The following IL1R1 variants were observed in gnomAD, a reference collection of about 807,000 sequenced individuals.
IL1R1 encodes the protein interleukin 1 receptor type 1, also known as interleukin-1 receptor type 1.
Under a neutral mutation model 50.2 loss-of-function variants are expected in IL1R1, and 22 were observed. That is an observed-to-expected ratio of 0.44 (90% CI 0.31 to 0.63). The LOEUF is 0.63. Among genes scored for constraint, IL1R1 ranks in the 20% least tolerant of loss-of-function variants. The pLI, the probability that IL1R1 is intolerant of heterozygous loss-of-function variation, is 0.07. For synonymous variants in IL1R1, 251 were observed against 236.7 expected, an observed-to-expected ratio of 1.06 and a Z score of -0.55; for missense variants, 509 against 676.2, an observed-to-expected ratio of 0.75 and a Z score of 2.74.
chr2:102,166,517 A>G (rs1325276320), intron 6 of IL1R1, among the ~76,000 whole-genome samples: 3 of 152,098 alleles, frequency 2.0e-5, no homozygotes, highest in East Asian at 1.9e-4. Flanking sequence ...GTGTTTTCCA[A>G]CTGATTTAAG....
intron 5 of IL1R1, 105 bp from the exon 6 acceptor site, chr2:102,166,006 TAA>T: frequency 1.1e-6 from 1 of 943,520 alleles, no homozygotes; most frequent in Non-Finnish European, 1.6e-6. Flanking sequence ...AGTCACTTTC[TAA>T]AAATATAACA....
intron 2 of IL1R1, among the ~76,000 whole-genome samples, chr2:102,155,569 C>T (rs114437295): frequency 2.4e-4 from 37 of 152,248 alleles, no homozygotes; most frequent in African/African-American, 8.7e-4. Flanking sequence ...GGTCATGTGA[C>T]CCTTAACGCC....
intron 1 of IL1R1, among the ~76,000 whole-genome samples, chr2:102,145,798 A>C (rs1683067611): frequency 6.6e-6 from 1 of 152,208 alleles, no homozygotes; most frequent in Non-Finnish European, 1.5e-5. Flanking sequence ...CCAGGACTGG[A>C]TGCAGAGCAA....
chr2:102,094,050 A>G (rs753595773), intron 1 of IL1R1, among the ~76,000 whole-genome samples: 14 of 152,206 alleles, frequency 9.2e-5, no homozygotes, highest in Non-Finnish European at 1.8e-4. Context: ...CCACACATAT[A>G]AAACTTTAAT....
chr2:102,133,876 A>G (rs892524506), intron 1 of IL1R1, among the ~76,000 whole-genome samples: 8 of 150,208 alleles, frequency 5.3e-5, no homozygotes, highest in African/African-American at 1.5e-4. Flanking sequence ...TCTATTTAAC[A>G]GTGTATTAAG....
chr2:102,176,227 T>G lies in IL1R1; in HGVS notation c.1304-126T>G. ...TAAAAACATGGGAAACTCCTTTAAT[T>G]TTAAGTAAGACAAGAAAAAGGCATT... On this transcript the variant is annotated intron_variant, in intron 11 of 11. Transcript: ENST00000410023. 5.5e-6 allele frequency: 4 copies of G among 733,142 alleles called. No homozygotes were observed. The South Asian group carries it at 8.0e-5, about 15-fold the overall frequency. The allele number at this position is 733,142 out of a possible 1,614,324, so 45.4% of individuals were successfully genotyped here.
chr2:102,091,679 C>T (rs933842385), intron 1 of IL1R1, among the ~76,000 whole-genome samples: 6 of 152,146 alleles, frequency 3.9e-5, no homozygotes, highest in African/African-American at 1.4e-4. Flanking sequence ...TACACTGTTG[C>T]TTACTATAGT....
chr2:102,126,315 G>T (rs1681705846), intron 1 of IL1R1, among the ~76,000 whole-genome samples: 1 of 152,220 alleles, frequency 6.6e-6, no homozygotes, highest in African/African-American at 2.4e-5. Context: ...GCAAATGCAG[G>T]CTGAAACAGC....
intron 3 of IL1R1, among the ~76,000 whole-genome samples, chr2:102,160,810 C>G (rs150219733): frequency 6.6e-6 from 1 of 152,328 alleles, no homozygotes; most frequent in African/African-American, 2.4e-5. Flanking sequence ...CCTTTTGTTT[C>G]TGCTTCTGCC....
intron 3 of IL1R1, among the ~76,000 whole-genome samples, chr2:102,162,302 G>A (rs1684799638): frequency 6.6e-6 from 1 of 152,134 alleles, no homozygotes; most frequent in Non-Finnish European, 1.5e-5. Context: ...GTAGGTGTAT[G>A]TGTTTATGTT....
chr2:102,161,801 G>A (rs1246224786), intron 3 of IL1R1, among the ~76,000 whole-genome samples: 1 of 152,110 alleles, frequency 6.6e-6, no homozygotes, highest in Non-Finnish European at 1.5e-5. Context: ...CTGGGTTCAA[G>A]TGATTCTTGT....
At chr2:102,127,979 A>T (rs770261118) in intron 1 of IL1R1, among the ~76,000 whole-genome samples, 18 of 152,178 alleles carry the variant, frequency 1.2e-4, no homozygotes, top group Non-Finnish European at 2.4e-4. Flanking sequence ...GTTCTTTATT[A>T]TCTTTGAGTG....
At chr2:102,111,569 A>G (rs755820717) in intron 1 of IL1R1, among the ~76,000 whole-genome samples, 1 of 152,144 alleles carries the variant, frequency 6.6e-6, no homozygotes, top group Non-Finnish European at 1.5e-5. Context: ...GGTGCTGGGG[A>G]TGATGAGAGG....
chr2:102,172,848 A>T lies in IL1R1; in HGVS notation c.991+10A>T. The T allele has an allele frequency of 6.3e-7, 1 of 1,575,114 alleles. No individual in the cohort carries two copies. Among genetic ancestry groups the T allele is most frequent in the Non-Finnish European group, 8.7e-7 (1 of 1,155,786 alleles). On this transcript the variant is annotated intron_variant, in intron 9 of 11. Coordinates refer to ENST00000410023, the MANE Select transcript of IL1R1 (RefSeq NM_000877.4). ...CAGTTAATATATCCAGGTAAACAACAAACTAATTGAAATGCAGTTTTGTTT... is the reference window on the plus strand; with the variant it reads ...CAGTTAATATATCCAGGTAAACAACTAACTAATTGAAATGCAGTTTTGTTT...
At chr2:102,152,789 T>C (rs1384080660) in intron 1 of IL1R1, among the ~76,000 whole-genome samples, 6 of 152,104 alleles carry the variant, frequency 3.9e-5, no homozygotes, top group South Asian at 4.1e-4. Flanking sequence ...GTGATTCCAA[T>C]TGATGGGCCA....
intron 1 of IL1R1, among the ~76,000 whole-genome samples, chr2:102,078,146 CTAAT>C (rs959411931): frequency 5.3e-5 from 8 of 151,906 alleles, no homozygotes; most frequent in Admixed American, 4.6e-4. Context: ...TCATTCCACT[CTAAT>C]AAACTAAAAA....
chr2:102,120,229 G>A (rs943674324), intron 1 of IL1R1, among the ~76,000 whole-genome samples: 2 of 152,158 alleles, frequency 1.3e-5, no homozygotes, highest in African/African-American at 4.8e-5. Context: ...GGGTGTTCAT[G>A]TGTAGTTTCA....
At chr2:102,133,557 A>G (rs926475007) in intron 1 of IL1R1, among the ~76,000 whole-genome samples, 48 of 152,372 alleles carry the variant, frequency 3.2e-4, no homozygotes, top group African/African-American at 1.1e-3. Context: ...AAGCTAATGC[A>G]TCGTGACCAA....
chr2:102,162,555 A>G (rs1684823668), intron 3 of IL1R1, among the ~76,000 whole-genome samples: 1 of 150,900 alleles, frequency 6.6e-6, no homozygotes, highest in Non-Finnish European at 1.5e-5. Context: ...CTTTTTAGTC[A>G]TAACTGTTTG....
Sources: allele counts gnomAD v4.1 joint callset (sites outside exome capture counted in the v4.1 genomes callset), GRCh38; gene constraint gnomAD v4.1.1; transcripts MANE v1.5; gene names NCBI Gene and HGNC (gene_info 2026-07-23, HGNC 2026-07-21).